CSMD1: variants seen among roughly 807,000 people sequenced by gnomAD.
CSMD1 encodes CUB and Sushi multiple domains 1.
Under a neutral mutation model 417.5 loss-of-function variants are expected in CSMD1, and 213 were observed. The ratio of observed to expected loss-of-function variants is 0.51; its 90% CI spans 0.46 to 0.57. CSMD1 has a LOEUF of 0.57. Ranked by LOEUF, CSMD1 falls within the 20% of genes least tolerant of loss-of-function variation. The pLI, the probability that CSMD1 is intolerant of heterozygous loss-of-function variation, is 0.00. For missense variants in CSMD1, 6,923 were observed against 4,529.7 expected (o/e 1.53, Z -15.17); for synonymous variants, 2,862 against 1,736.8 (o/e 1.65, Z -16.11).
In CSMD1 at chr8:3,073,064, C is replaced by A. The variant is rs561926178; in HGVS notation, c.7474+14033G>T. 4.6e-5 allele frequency among the ~76,000 whole-genome samples: 7 copies of A among 152,252 alleles called. No individual in the cohort carries two copies. The South Asian group carries it at 1.2e-3, about 27-fold the overall frequency. On this transcript the variant is annotated intron_variant, in intron 49 of 69. Transcript: ENST00000635120. ...ATGCAACCCTCCCAAATTCCCAGTG[C>A]TATTTCTTAAAGTTAGTTAAAATGA...
intron 2 of CSMD1, among the ~76,000 whole-genome samples, chr8:4,555,296 C>T (rs1399657574): frequency 6.6e-6 from 1 of 152,042 alleles, no homozygotes; most frequent in Non-Finnish European, 1.5e-5. Flanking sequence ...AAGACAGGTG[C>T]AGTGGCATGT....
chr8:4,321,477 G>T (rs533347462), intron 3 of CSMD1, among the ~76,000 whole-genome samples: 1 of 152,242 alleles, frequency 6.6e-6, no homozygotes, highest in Admixed American at 6.5e-5. Flanking sequence ...ATTCCTCAGT[G>T]ATGCAAGTTA....
intron 1 of CSMD1, among the ~76,000 whole-genome samples, chr8:4,840,293 T>G (rs1449739175): frequency 6.6e-6 from 1 of 152,262 alleles, no homozygotes; most frequent in South Asian, 2.1e-4. Flanking sequence ...GTTTTGCTAC[T>G]GTTACTCTTC....
chr8:4,085,165 ACT>A (rs1800354608), intron 3 of CSMD1, among the ~76,000 whole-genome samples: 2 of 152,096 alleles, frequency 1.3e-5, no homozygotes, highest in Admixed American at 1.3e-4. Context: ...ACCATTACAG[ACT>A]CTGCTGAGGA....
chr8:3,399,987 TTAAAA>T (rs1811939583), intron 15 of CSMD1, among the ~76,000 whole-genome samples: 2 of 152,210 alleles, frequency 1.3e-5, no homozygotes, highest in South Asian at 2.1e-4. Flanking sequence ...GTGCATTTTA[TTAAAA>T]TAAATAGCCA....
intron 49 of CSMD1, among the ~76,000 whole-genome samples, chr8:3,057,448 GTA>G (rs1201102533): frequency 5.3e-5 from 8 of 151,978 alleles, no homozygotes; most frequent in African/African-American, 1.7e-4. Context: ...GTATTTGCAG[GTA>G]TGTGTGTGTG....
chr8:3,950,381 G>C (rs988714690), intron 5 of CSMD1, among the ~76,000 whole-genome samples: 2 of 152,164 alleles, frequency 1.3e-5, no homozygotes, highest in Non-Finnish European at 2.9e-5. Context: ...AAAACTCTCC[G>C]GTACAGTTCC....
At chr8:4,398,623 C>G (rs953875745) in intron 3 of CSMD1, among the ~76,000 whole-genome samples, 1 of 152,048 alleles carries the variant, frequency 6.6e-6, no homozygotes, top group African/African-American at 2.4e-5. Context: ...TCTCGATCTC[C>G]TGACCTCCTG....
chr8:3,929,651 T>C (rs903253238), intron 5 of CSMD1, among the ~76,000 whole-genome samples: 3 of 142,356 alleles, frequency 2.1e-5, no homozygotes, highest in Non-Finnish European at 4.6e-5. Context: ...AACATATTTG[T>C]ATGAATAAAA....
chr8:3,457,162 A>T (rs2117133930), intron 12 of CSMD1, among the ~76,000 whole-genome samples: 1 of 130,738 alleles, frequency 7.6e-6, no homozygotes, highest in African/African-American at 2.7e-5. Flanking sequence ...CTCATCCTGT[A>T]CCTCTCTTCC....
chr8:4,868,337 G>T (rs1248494989), intron 1 of CSMD1, among the ~76,000 whole-genome samples: 1 of 151,928 alleles, frequency 6.6e-6, no homozygotes, highest in Non-Finnish European at 1.5e-5. Flanking sequence ...GGGTTCGAGC[G>T]ATTCGCCTGC....
intron 1 of CSMD1, among the ~76,000 whole-genome samples, chr8:4,943,217 C>T (rs74332673): frequency 0.027 from 4,046 of 152,168 alleles, 165 homozygotes; most frequent in East Asian, 0.15. Context: ...AAATCATGGC[C>T]GGGTGCAGTG....
At chr8:3,270,526 G>C (rs13272161) in intron 26 of CSMD1, among the ~76,000 whole-genome samples, 41,039 of 152,002 alleles carry the variant, frequency 0.27, 5,838 homozygotes, top group African/African-American at 0.34. Context: ...TTTCCAACTG[G>C]TATCAAAATT....
intron 41 of CSMD1, among the ~76,000 whole-genome samples, chr8:3,126,819 G>A (rs139322712): frequency 2.0e-5 from 3 of 152,144 alleles, no homozygotes; most frequent in African/African-American, 7.2e-5. Flanking sequence ...GAGACTACAG[G>A]CTTATACATC....
intron 5 of CSMD1, among the ~76,000 whole-genome samples, chr8:3,951,520 T>G (rs898723327): frequency 6.6e-6 from 1 of 152,110 alleles, no homozygotes; most frequent in African/African-American, 2.4e-5. Context: ...CCCCAGAAAT[T>G]AACCATGTAA....
Position 2,935,569 on chromosome 8 carries a change from T to C in CSMD1, c.*3016A>G, listed in dbSNP as rs1308086533. 1.3e-5 allele frequency: 2 copies of C among 152,190 alleles called. No individual in the cohort carries two copies. Among genetic ancestry groups the C allele is most frequent in the Non-Finnish European group, 2.9e-5 (2 of 68,036 alleles). The allele number at this position is 152,190 out of a possible 1,614,324, so 9.4% of individuals were successfully genotyped here. ...TTTTACATTATTGGGAAAATTACAG[T>C]TCTGTATTGTAAAAACATTTATTTT... On this transcript the variant is annotated 3_prime_UTR_variant, in exon 70 of 70. Coordinates refer to ENST00000635120, the MANE Select transcript of CSMD1 (RefSeq NM_033225.6).
At chr8:4,639,102 C>G (rs1462430929) in intron 1 of CSMD1, among the ~76,000 whole-genome samples, 2 of 152,092 alleles carry the variant, frequency 1.3e-5, no homozygotes, top group Non-Finnish European at 2.9e-5. Context: ...TCAGCCTCAC[C>G]GATGCATTTC....
intron 10 of CSMD1, among the ~76,000 whole-genome samples, chr8:3,558,301 G>C (rs920496406): frequency 7.0e-6 from 1 of 142,278 alleles, no homozygotes; most frequent in South Asian, 2.3e-4. Flanking sequence ...ATGGAACTCC[G>C]TGTTCACTCC....
At chr8:4,797,970 A>C (rs1048443010) in intron 1 of CSMD1, among the ~76,000 whole-genome samples, 2 of 152,198 alleles carry the variant, frequency 1.3e-5, no homozygotes, top group Admixed American at 1.3e-4. Flanking sequence ...CAGTTTTCCC[A>C]AATGCATCTA....
Sources: gnomAD v4.1 joint callset for allele counts (sites outside exome capture counted in the v4.1 genomes callset) on GRCh38, gnomAD v4.1.1 for gene constraint, MANE v1.5 for transcripts, NCBI Gene and HGNC (gene_info 2026-07-23, HGNC 2026-07-21) for gene names.